DMD: variants seen among roughly 807,000 people sequenced by gnomAD.
DMD encodes the protein dystrophin.
In DMD, 63 loss-of-function variants were observed where a neutral mutation model predicts 330.1. The observed-to-expected ratio is 0.19, with a 90% confidence interval of 0.16 to 0.24. DMD has a LOEUF of 0.24. Among genes scored for constraint, DMD ranks in the 10% least tolerant of loss-of-function variants. The pLI is 1.00. For synonymous variants in DMD, 1,223 were observed against 959.8 expected (o/e 1.27, Z -5.07); for missense variants, 3,344 against 2,684.1 (o/e 1.25, Z -5.43).
intron 20 of DMD, among the ~76,000 whole-genome samples, chrX:32,490,635 C>T (rs896998438): frequency 4.5e-5 from 5 of 111,442 alleles, no homozygotes; most frequent in African/African-American, 1.3e-4. Context: ...GGCCATGCTG[C>T]TTTTACCATG....
At chrX:32,768,217 T>C (rs1323876873) in intron 7 of DMD, among the ~76,000 whole-genome samples, 1 of 112,203 alleles carries the variant, frequency 8.9e-6, no homozygotes, top group African/African-American at 3.2e-5. Context: ...TGGCAGACAC[T>C]AAGAAAACTT....
chrX:33,018,543 A>G (rs1034184005), intron 2 of DMD, among the ~76,000 whole-genome samples: 1 of 111,710 alleles, frequency 9.0e-6, no homozygotes, highest in African/African-American at 3.2e-5. Context: ...CAGAGCGAAG[A>G]TCTATTTCAA....
intron 43 of DMD, among the ~76,000 whole-genome samples, chrX:32,239,796 A>C (rs747871512): frequency 8.9e-6 from 1 of 111,808 alleles, no homozygotes; most frequent in Non-Finnish European, 1.9e-5. Flanking sequence ...TAAAAACTTA[A>C]CCTGCTATAC....
intron 47 of DMD, among the ~76,000 whole-genome samples, chrX:31,900,239 A>T (rs1015290156): frequency 1.2e-4 from 13 of 110,936 alleles, no homozygotes; most frequent in Admixed American, 1.9e-4. Flanking sequence ...ATTTTGCATC[A>T]CTGATACGGT....
At chrX:31,635,764 A>C (rs1380729092) in intron 54 of DMD, among the ~76,000 whole-genome samples, 1 of 111,639 alleles carries the variant, frequency 9.0e-6, no homozygotes, top group African/African-American at 3.3e-5. Context: ...TTAATAATAC[A>C]CATTTGAAAG....
In DMD at chrX:32,226,147, T is replaced by C. The variant is rs753329238; in HGVS notation, c.6291-9084A>G. 2.1e-4 allele frequency among the ~76,000 whole-genome samples: 24 copies of C among 111,753 alleles called. No individual in the cohort carries two copies. In the South Asian group the frequency reaches 9.0e-3, roughly 42 times the overall value. ...TAACTTTTCCTCAGCATATTCCAAC[T>C]CATCTCTCCCTATTTTCGGTTTCTC... On this transcript the variant is annotated intron_variant, in intron 43 of 78. Transcript: ENST00000357033.
At chrX:31,747,927 T>G (rs1240033980) in intron 51 of DMD, among the ~76,000 whole-genome samples, 3 of 112,312 alleles carry the variant, frequency 2.7e-5, no homozygotes, top group Admixed American at 9.5e-5. Context: ...GCAGTACCAT[T>G]TCTCTAGTGA....
intron 56 of DMD, among the ~76,000 whole-genome samples, chrX:31,497,880 A>G (rs2070028708): frequency 8.9e-6 from 1 of 112,571 alleles, no homozygotes; most frequent in East Asian, 2.8e-4. Context: ...ATTCATAATA[A>G]CGCTACCTAT....
Position 31,507,309 on chromosome X carries a change from C to T in DMD, c.8362G>A (p.Glu2788Lys). ...ATGTTGAGAGACTTTTTCCGAAGTT[C>T]ACTCCACTTGAAGTTCATGTTATCC... is the stretch of plus-strand genomic sequence containing the variant. ...RLDNMNFKWS[E>K]LRKKSLNIRS... Residue 2788 changes from glutamate to lysine, a missense_variant, in exon 56 of 79, where the codon GAA becomes AAA. Coordinates refer to ENST00000357033, the MANE Select transcript of DMD (RefSeq NM_004006.3). 1 of 1,211,630 alleles carries T rather than the reference C, an allele frequency of 8.3e-7. No homozygotes were observed. The highest frequency in any genetic ancestry group is 1.8e-5 in the South Asian group (1 of 56,966).
At chrX:33,008,307 G>C (rs2093437194) in intron 2 of DMD, among the ~76,000 whole-genome samples, 1 of 111,417 alleles carries the variant, frequency 9.0e-6, no homozygotes, top group East Asian at 2.8e-4. Flanking sequence ...GGTTTCTACA[G>C]TTAAAGTTAT....
At chrX:32,835,760 T>C (rs1489157910) in intron 4 of DMD, among the ~76,000 whole-genome samples, 1 of 111,500 alleles carries the variant, frequency 9.0e-6, no homozygotes, top group Non-Finnish European at 1.9e-5. Flanking sequence ...TAGTGATTTA[T>C]GGCAGAGGGA....
chrX:31,273,345 G>A (rs55803048), intron 62 of DMD, among the ~76,000 whole-genome samples: 9,191 of 111,821 alleles, frequency 0.082, 368 homozygotes, highest in Middle Eastern at 0.13. Flanking sequence ...AGAAAATACT[G>A]AGCATATATC....
intron 2 of DMD, among the ~76,000 whole-genome samples, chrX:33,013,626 G>A (rs2093742310): frequency 8.9e-6 from 1 of 112,197 alleles, no homozygotes; most frequent in South Asian, 3.7e-4. Context: ...CAGGCACATT[G>A]CACAATAGTT....
In DMD at chrX:31,478,966, G is replaced by A. The variant is rs750783328; in HGVS notation, c.8668+17C>T. 1 of 1,208,159 alleles carries A rather than the reference G, an allele frequency of 8.3e-7. No homozygotes were observed. The highest frequency in any genetic ancestry group is 2.2e-5 in the Admixed American group (1 of 45,937). On this transcript the variant is annotated intron_variant, in intron 58 of 78. Transcript: ENST00000357033. ...ATCCTTCTATCAATATGTTATTATA[G>A]TTCCACATTCAATTACCTCTGGGCT...
At chrX:31,351,159 T>TACACACACACAC (rs3061695) in intron 60 of DMD, among the ~76,000 whole-genome samples, 36 of 105,137 alleles carry the variant, frequency 3.4e-4, no homozygotes, top group East Asian at 2.1e-3. Flanking sequence ...CATACATATA[T>TACACACACACAC]ACACACACAC....
At chrX:31,288,592 T>C (rs1344413244) in intron 62 of DMD, among the ~76,000 whole-genome samples, 2 of 111,904 alleles carry the variant, frequency 1.8e-5, no homozygotes, top group Non-Finnish European at 3.8e-5. Context: ...GTCCTTGAAT[T>C]GAAGACTTAT....
rs768353788 is a variant in DMD at position 32,445,344 on chromosome X, A to T, written c.3786+3112T>A. Among the ~76,000 whole-genome samples the T allele has an allele frequency of 4.5e-5, 5 of 110,451 alleles. No individual in the cohort carries two copies. In the East Asian group the frequency reaches 1.4e-3, roughly 32 times the overall value. ...AAAGGGAACAGCAGTTGTGAGCAGCAAAAAAAGGACTTTCACATGAAGAGA... is the reference window on the plus strand; with the variant it reads ...AAAGGGAACAGCAGTTGTGAGCAGCTAAAAAAGGACTTTCACATGAAGAGA... On this transcript the variant is annotated intron_variant, in intron 27 of 78. Transcript: ENST00000357033.
rs762615933 is a variant in DMD, at chrX:32,411,778, C to T, written c.4207G>A (p.Ala1403Thr). 8.3e-6 allele frequency: 10 copies of T among 1,209,347 alleles called. No homozygotes were observed. Among genetic ancestry groups the T allele is most frequent in the East Asian group, 3.0e-5 (1 of 33,706 alleles). The change falls in exon 30 of 79, where the codon GCA (alanine) becomes ACA (threonine). Residue 1403 changes from alanine (A) to threonine (T), a missense_variant. Coordinates refer to ENST00000357033, the MANE Select transcript of DMD (RefSeq NM_004006.3). ...TGGGCTTCCTGAGGCATTTGAGCTG[C>T]GTCCACCTTGTCTGCAATATAAGCT... ...LAAYIADKVD[A>T]AQMPQEAQKI... is the part of the protein sequence containing the mutation.
intron 9 of DMD, among the ~76,000 whole-genome samples, chrX:32,670,540 G>T (rs1292897441): frequency 1.8e-5 from 2 of 111,304 alleles, no homozygotes; most frequent in African/African-American, 6.5e-5. Context: ...CATAAATATT[G>T]CCATTCAAGT....
Sources: gnomAD v4.1 joint callset for allele counts (sites outside exome capture counted in the v4.1 genomes callset) on GRCh38, gnomAD v4.1.1 for gene constraint, MANE v1.5 for transcripts, NCBI Gene and HGNC (gene_info 2026-07-23, HGNC 2026-07-21) for gene names.